The following DIP2C variants were observed in gnomAD, a reference collection of about 807,000 sequenced individuals.
DIP2C encodes the protein disco-interacting protein 2 homolog C.
In DIP2C, 33 loss-of-function variants were observed where a neutral mutation model predicts 192.4. That is an observed-to-expected ratio of 0.17 (90% CI 0.13 to 0.23). The LOEUF is 0.23. Ranked by LOEUF, DIP2C falls within the 10% of genes least tolerant of loss-of-function variation. The pLI, the probability that DIP2C is intolerant of heterozygous loss-of-function variation, is 1.00. For synonymous variants in DIP2C, 979 were observed against 864.1 expected, an observed-to-expected ratio of 1.13 and a Z score of -2.33; for missense variants, 1,537 against 2,110.1, an observed-to-expected ratio of 0.73 and a Z score of 5.32.
chr10:619,365 G>A (rs539295225), intron 1 of DIP2C, among the ~76,000 whole-genome samples: 131 of 152,298 alleles, frequency 8.6e-4, no homozygotes, highest in Admixed American at 1.8e-3. Context: ...GGCTGGCTCC[G>A]GGGAAGCGAC....
chr10:497,816 G>A (rs567096023), intron 1 of DIP2C, among the ~76,000 whole-genome samples: 34 of 152,256 alleles, frequency 2.2e-4, no homozygotes, highest in South Asian at 1.5e-3. Context: ...AAATGCAAGC[G>A]CCAAAAAAAA....
At chr10:661,417 C>G (rs1234962209) in intron 1 of DIP2C, among the ~76,000 whole-genome samples, 2 of 152,178 alleles carry the variant, frequency 1.3e-5, no homozygotes, top group Non-Finnish European at 2.9e-5. Context: ...CTCGAAGGAC[C>G]ATCTCCACCT....
intron 1 of DIP2C, among the ~76,000 whole-genome samples, chr10:519,970 C>T (rs1380274976): frequency 1.3e-5 from 2 of 152,230 alleles, no homozygotes; most frequent in Non-Finnish European, 2.9e-5. Context: ...CGTCTTGGAG[C>T]ACACCATGGC....
At chr10:603,797 G>A (rs1304914053) in intron 1 of DIP2C, among the ~76,000 whole-genome samples, 1 of 152,184 alleles carries the variant, frequency 6.6e-6, no homozygotes, top group East Asian at 1.9e-4. Flanking sequence ...AAAGTCAGGA[G>A]TCCCAGGGCT....
intron 17 of DIP2C, among the ~76,000 whole-genome samples, chr10:377,477 G>T (rs1489071762): frequency 6.6e-6 from 1 of 152,150 alleles, no homozygotes; most frequent in Non-Finnish European, 1.5e-5. Context: ...TCATGGTCTG[G>T]GTCACGTGAT....
At chr10:304,555 G>GCACACA (rs56181109) in intron 32 of DIP2C, among the ~76,000 whole-genome samples, 71 of 150,680 alleles carry the variant, frequency 4.7e-4, no homozygotes, top group African/African-American at 1.7e-3. Context: ...GCACACGAAT[G>GCACACA]CACACACACA....
Position 633,979 on chromosome 10 carries a change from T to C in DIP2C, c.85+55515A>G, listed in dbSNP as rs1854682645. On this transcript the variant is annotated intron_variant, in intron 1 of 36. Transcript: ENST00000280886. ...TTATTCTCAAAAAGACTCTCTTTGG[T>C]GGCTTCACTGCTGAAGGGACAAGCC... 3.9e-5 allele frequency among the ~76,000 whole-genome samples: 6 copies of C among 152,230 alleles called. No individual in the cohort carries two copies. The South Asian group carries it at 6.2e-4, about 16-fold the overall frequency.
Position 393,039 on chromosome 10 carries a change from G to A in DIP2C, c.1261-2176C>T, listed in dbSNP as rs138902405. On this transcript the variant is annotated intron_variant, in intron 10 of 36. Coordinates refer to ENST00000280886, the MANE Select transcript of DIP2C (RefSeq NM_014974.3). The stretch of plus-strand genomic sequence containing the variant: ...CAAGGACGGGACCCGGCTGCACCTG[G>A]ACTAGTGGCTTTCCTGACTCACAGG... Among the ~76,000 whole-genome samples the A allele has an allele frequency of 6.4e-4, 98 of 152,326 alleles. No homozygotes were observed. The Middle Eastern group carries it at 0.01, about 16-fold the overall frequency.
chr10:355,099 C>T (rs938513005), intron 24 of DIP2C, among the ~76,000 whole-genome samples: 4 of 152,122 alleles, frequency 2.6e-5, no homozygotes, highest in African/African-American at 9.7e-5. Flanking sequence ...TCAAGATCTC[C>T]GGCCCCCACA....
chr10:415,963 A>G (rs1461904263), intron 6 of DIP2C, 75 bp from the exon 7 acceptor site: 1 of 1,596,576 alleles, frequency 6.3e-7, no homozygotes, highest in African/African-American at 1.4e-5. Flanking sequence ...CCACAGTCCC[A>G]CAGCCCCCTC....
At chr10:630,078 C>G (rs1588637458) in intron 1 of DIP2C, 5 of 152,208 alleles carry the variant, frequency 3.3e-5, no homozygotes, top group Admixed American at 3.3e-4. Context: ...TAACTCATCT[C>G]CACACTCACT....
intron 1 of DIP2C, among the ~76,000 whole-genome samples, chr10:625,101 T>C (rs1427237085): frequency 6.6e-6 from 1 of 152,134 alleles, no homozygotes; most frequent in African/African-American, 2.4e-5. Context: ...ATATTAACGA[T>C]GACAATCAAC....
At position 305,972 on chromosome 10, in the gene DIP2C, A is replaced by AATATATATAT. The variant is rs35830495; in HGVS notation, c.3986+4049_3986+4058dup. 3.0e-3 allele frequency among the ~76,000 whole-genome samples: 445 copies of AATATATATAT among 146,310 alleles called. 1 individual carries two copies. The highest frequency in any genetic ancestry group is 0.01 in the African/African-American group (399 of 38,344). On this transcript the variant is annotated intron_variant, in intron 32 of 36. Transcript: ENST00000280886. ...AAAACCGCATCTTCAAATGCAGACA[A>AATATATATAT]ATATATATATATATATATATATTAT...
rs142844663 is a variant in DIP2C, at chr10:446,078, T to A, written c.269-5082A>T. 1.0e-3 allele frequency among the ~76,000 whole-genome samples: 152 copies of A among 152,134 alleles called. 2 individuals carry two copies. Among genetic ancestry groups the A allele is most frequent in the African/African-American group, 3.4e-3 (142 of 41,520 alleles). On this transcript the variant is annotated intron_variant, in intron 3 of 36. Coordinates refer to ENST00000280886, the MANE Select transcript of DIP2C (RefSeq NM_014974.3). ...GTCTCACAGGCCCACTGGGCATCTG[T>A]ATACGTCTGTTGCAAAGAGTCTCAT...
Position 472,641 on chromosome 10 carries a change from A to G in DIP2C, c.158-92T>C, listed in dbSNP as rs1398813524. Reference sequence around the variant, plus strand: ...AATCATGCCCTCCATCCCCACAGCAAAGCCAGAGCTACCCACGGGACTGGG... The same window carrying G: ...AATCATGCCCTCCATCCCCACAGCAGAGCCAGAGCTACCCACGGGACTGGG... On this transcript the variant is annotated intron_variant, in intron 2 of 36. Coordinates refer to ENST00000280886, the MANE Select transcript of DIP2C (RefSeq NM_014974.3). 5.2e-6 allele frequency: 6 copies of G among 1,144,726 alleles called. No individual in the cohort carries two copies. The African/African-American group carries it at 7.6e-5, about 14-fold the overall frequency. 70.9% of individuals were successfully genotyped at this position (1,144,726 alleles called of 1,614,324 possible).
intron 24 of DIP2C, among the ~76,000 whole-genome samples, chr10:352,707 G>T (rs934707524): frequency 6.6e-6 from 1 of 152,168 alleles, no homozygotes; most frequent in African/African-American, 2.4e-5. Flanking sequence ...AGGGACAGTC[G>T]CTCCTGGCTC....
rs1207608688 is a variant in DIP2C at position 678,762 on chromosome 10, ATGCTCCCCGCACCTGTCCTCCCTGCG to A, written c.85+10706_85+10731del. On this transcript the variant is annotated intron_variant, in intron 1 of 36. Transcript: ENST00000280886. ...GCGCCCATCTCTGCTCCCCATGTCC[ATGCTCCCCGCACCTGTCCTCCCTGCG>A]CCCATGCTCCCCACGCCCATGCTCC... Among the ~76,000 whole-genome samples the A allele has an allele frequency of 1.2e-3, 31 of 26,848 alleles. 2 individuals carry two copies. The highest frequency in any genetic ancestry group is 4.3e-3 in the African/African-American group (30 of 6,926). The allele number at this position is 26,848 out of a possible 152,430, so 17.6% of individuals were successfully genotyped here. A position where few individuals can be genotyped will look rare whatever the true frequency, so the allele number is the denominator to read the frequency against.
At chr10:593,574 G>A (rs529246326) in intron 1 of DIP2C, among the ~76,000 whole-genome samples, 53 of 145,718 alleles carry the variant, frequency 3.6e-4, no homozygotes, top group Non-Finnish European at 5.0e-4. Context: ...CTCCAGCAGA[G>A]GCAGGGGCCC....
intron 3 of DIP2C, among the ~76,000 whole-genome samples, chr10:471,719 C>G (rs576393446): frequency 2.4e-4 from 37 of 152,138 alleles, no homozygotes; most frequent in African/African-American, 8.9e-4. Flanking sequence ...AAAACTCTCT[C>G]AGAATAATTC....
Sources: allele counts gnomAD v4.1 joint callset (sites outside exome capture counted in the v4.1 genomes callset), GRCh38; gene constraint gnomAD v4.1.1; transcripts MANE v1.5; gene names NCBI Gene and HGNC (gene_info 2026-07-23, HGNC 2026-07-21).